ELOVL5: variants seen among roughly 807,000 people sequenced by gnomAD.
ELOVL5 encodes ELOVL fatty acid elongase 5, also known as very long chain fatty acid elongase 5.
A neutral mutation model predicts 38.6 loss-of-function variants in ELOVL5; 8 were observed. That is an observed-to-expected ratio of 0.21 (90% confidence interval 0.12 to 0.37). ELOVL5 has a LOEUF of 0.37. Ranked by LOEUF, ELOVL5 falls within the 10% of genes least tolerant of loss-of-function variation. ELOVL5 has a pLI of 1.00. For synonymous variants in ELOVL5, 127 were observed against 133.7 expected, an observed-to-expected ratio of 0.95 and a Z score of 0.34; for missense variants, 280 against 367.8, an observed-to-expected ratio of 0.76 and a Z score of 1.95.
chr6:53,271,498 C>G (rs1021061707), intron 6 of ELOVL5, among the ~76,000 whole-genome samples: 2 of 152,218 alleles, frequency 1.3e-5, no homozygotes, highest in East Asian at 3.9e-4. Flanking sequence ...TGCAGCGAAC[C>G]GAGATCGCGC....
Position 53,291,830 on chromosome 6 carries a change from A to C in ELOVL5, c.192T>G (p.Ile64Met). 1 of 1,614,042 alleles carries C rather than the reference A, an allele frequency of 6.2e-7. No homozygotes were observed. Among genetic ancestry groups the C allele is most frequent in the Non-Finnish European group, 8.5e-7 (1 of 1,179,964 alleles). The change falls in exon 3 of 8, where the codon ATT (isoleucine) becomes ATG (methionine). Residue 64 changes from isoleucine (I) to methionine (M), a missense_variant. Around this residue, in one of 3 missense-constraint regions of ELOVL5, gnomAD observed 150 missense variants for 178.0 expected, o/e 0.84. Coordinates refer to ENST00000304434, the MANE Select transcript of ELOVL5 (RefSeq NM_021814.5). ...RNKQPFSCRG[I>M]LVVYNLGLTL... The stretch of plus-strand genomic sequence containing the variant: ...TGAGTCCAAGGTTATACACCACTAA[A>C]ATCCCCCGGCAAGAGAATGGCTGTT...
intron 1 of ELOVL5, among the ~76,000 whole-genome samples, chr6:53,298,664 T>C (rs962420686): frequency 6.6e-6 from 1 of 152,098 alleles, no homozygotes; most frequent in African/African-American, 2.4e-5. Flanking sequence ...TGCCACAGGA[T>C]TGGCTCCATG....
Position 53,348,930 on chromosome 6 carries a change from G to A in ELOVL5, c.-122C>T, listed in dbSNP as rs114179351. 2,760 of 438,996 alleles carry A rather than the reference G, an allele frequency of 6.3e-3. 73 individuals carry two copies. The highest frequency in any genetic ancestry group is 0.051 in the African/African-American group (2,457 of 48,368). 27.2% of individuals were successfully genotyped at this position (438,996 alleles called of 1,614,324 possible). ...ATGTAGAAGGAGACACCGGTGGCTA[G>A]GACCCGCGCGATGGGAAGAGGAAGG... On this transcript the variant is annotated 5_prime_UTR_variant, in exon 1 of 8. Coordinates refer to ENST00000304434, the MANE Select transcript of ELOVL5 (RefSeq NM_021814.5).
intron 1 of ELOVL5, among the ~76,000 whole-genome samples, chr6:53,348,259 G>A (rs1196382685): frequency 1.3e-5 from 2 of 152,200 alleles, no homozygotes; most frequent in Non-Finnish European, 2.9e-5. Context: ...GTTAACGGAA[G>A]CGGAGAGAAC....
intron 1 of ELOVL5, among the ~76,000 whole-genome samples, chr6:53,307,863 A>G (rs1310981276): frequency 1.3e-5 from 2 of 152,172 alleles, no homozygotes; most frequent in East Asian, 1.9e-4. Flanking sequence ...GATGGCCAAT[A>G]AACTTATTCA....
intron 6 of ELOVL5, among the ~76,000 whole-genome samples, chr6:53,272,208 C>A (rs1317985417): frequency 6.6e-6 from 1 of 152,148 alleles, no homozygotes; most frequent in Non-Finnish European, 1.5e-5. Context: ...GTTAATAATG[C>A]AAGGACAGGG....
intron 4 of ELOVL5, 51 bp from the exon 5 acceptor site, chr6:53,275,312 A>T (rs752014157): frequency 1.3e-6 from 2 of 1,572,912 alleles, no homozygotes; most frequent in Non-Finnish European, 1.7e-6. Context: ...GCTTCTCTGG[A>T]ATATCACCTC....
rs572700117 is a variant in ELOVL5, at chr6:53,348,877, G to A, written c.-69C>T. Reference sequence around the variant, plus strand: ...CAGCAAGGCGGCGGCGGCGGAGGGAGCGCGGGTGGCAGCCGGCGCAGAGGC... The same window carrying A: ...CAGCAAGGCGGCGGCGGCGGAGGGAACGCGGGTGGCAGCCGGCGCAGAGGC... On this transcript the variant is annotated 5_prime_UTR_variant, in exon 1 of 8. Transcript: ENST00000304434. 6.6e-6 allele frequency: 3 copies of A among 456,128 alleles called. No individual in the cohort carries two copies. The highest frequency in any genetic ancestry group is 1.5e-5 in the South Asian group (1 of 65,046). 28.3% of individuals were successfully genotyped at this position (456,128 alleles called of 1,614,324 possible). A position where few individuals can be genotyped will look rare whatever the true frequency, so the allele number is the denominator to read the frequency against.
chr6:53,283,159 A>C (rs1766424843), intron 3 of ELOVL5, among the ~76,000 whole-genome samples: 1 of 152,206 alleles, frequency 6.6e-6, no homozygotes, highest in African/African-American at 2.4e-5. Flanking sequence ...CACTATAAAC[A>C]CAGGTAGGAA....
chr6:53,306,104 G>T (rs935872898), intron 1 of ELOVL5, among the ~76,000 whole-genome samples: 3 of 150,698 alleles, frequency 2.0e-5, no homozygotes, highest in Admixed American at 6.6e-5. Flanking sequence ...CTCGGCAGGC[G>T]GAGGCAGGAG....
chr6:53,286,331 G>A (rs948059139), intron 3 of ELOVL5, among the ~76,000 whole-genome samples: 2 of 152,178 alleles, frequency 1.3e-5, no homozygotes, highest in African/African-American at 2.4e-5. Flanking sequence ...GGAGGCTGAT[G>A]TGGGAGGATC....
At chr6:53,309,706 G>T (rs1214067106) in intron 1 of ELOVL5, among the ~76,000 whole-genome samples, 1 of 152,146 alleles carries the variant, frequency 6.6e-6, no homozygotes, top group Non-Finnish European at 1.5e-5. Context: ...TGGTCAGCTG[G>T]CATGTTTCTG....
intron 5 of ELOVL5, among the ~76,000 whole-genome samples, chr6:53,273,714 A>G (rs1033407502): frequency 1.1e-4 from 17 of 152,236 alleles, no homozygotes; most frequent in Non-Finnish European, 2.4e-4. Flanking sequence ...AAGGCTGTGG[A>G]AGACAGCTGA....
At chr6:53,347,679 C>G (rs562915409) in intron 1 of ELOVL5, among the ~76,000 whole-genome samples, 1 of 152,326 alleles carries the variant, frequency 6.6e-6, no homozygotes, top group South Asian at 2.1e-4. Context: ...GTTCCTCAGT[C>G]TAGCTAATAA....
intron 3 of ELOVL5, 90 bp downstream of exon 3, chr6:53,291,686 C>T (rs998793504): frequency 1.5e-5 from 16 of 1,057,866 alleles, no homozygotes; most frequent in South Asian, 1.2e-4. Context: ...ACACCCCAAG[C>T]GGCCACCTTT....
chr6:53,342,401 C>A (rs1160027991), intron 1 of ELOVL5, among the ~76,000 whole-genome samples: 2 of 152,286 alleles, frequency 1.3e-5, no homozygotes, highest in African/African-American at 2.4e-5. Flanking sequence ...CAAAGAGGAA[C>A]AAGTACTACT....
chr6:53,343,089 T>C (rs184882797), intron 1 of ELOVL5, among the ~76,000 whole-genome samples: 1 of 152,296 alleles, frequency 6.6e-6, no homozygotes, highest in African/African-American at 2.4e-5. Flanking sequence ...CAGGTCAGGA[T>C]AGGCCAGAAC....
intron 3 of ELOVL5, among the ~76,000 whole-genome samples, chr6:53,284,629 T>C (rs1007285212): frequency 3.3e-5 from 5 of 152,222 alleles, no homozygotes; most frequent in African/African-American, 9.6e-5. Context: ...CTTTGCTTTA[T>C]TGCACTTTGT....
At chr6:53,288,984 G>A (rs533332961) in intron 3 of ELOVL5, among the ~76,000 whole-genome samples, 1 of 152,264 alleles carries the variant, frequency 6.6e-6, no homozygotes, top group South Asian at 2.1e-4. Flanking sequence ...GAGATCAGTT[G>A]AGCCCAGGAG....
Sources: gnomAD v4.1 joint callset for allele counts (sites outside exome capture counted in the v4.1 genomes callset) on GRCh38, gnomAD v4.1.1 for gene constraint, gnomAD v4.1.1 regional missense constraint, MANE v1.5 for transcripts, NCBI Gene and HGNC (gene_info 2026-07-23, HGNC 2026-07-21) for gene names.